Variants in TREM2 observed in about 807,000 individuals in gnomAD.
The protein encoded by TREM2 is triggering receptor expressed on myeloid cells 2.
A neutral mutation model predicts 22.9 loss-of-function variants in TREM2; 20 were observed. The ratio of observed to expected loss-of-function variants is 0.87; its 90% CI spans 0.61 to 1.27. The LOEUF is 1.27. Ranked by LOEUF, TREM2 falls within the 50% of genes most tolerant of loss-of-function variation. The pLI is 0.00. For synonymous variants in TREM2, 111 were observed against 120.9 expected (o/e 0.92, Z 0.54); for missense variants, 267 against 289.0 (o/e 0.92, Z 0.55).
chr6:41,161,416 C>G lies in TREM2; in HGVS notation c.238G>C (p.Gly80Arg). The change falls in exon 2 of 5, where the codon GGG becomes CGG. Residue 80 changes from glycine (G) to arginine (R), a missense_variant. By Grantham distance (125) the Gly-to-Arg change is moderately radical. Coordinates refer to ENST00000373113, the MANE Select transcript of TREM2 (RefSeq NM_018965.4). ...GTATCGTCTGTGATGGCTGTGCTCC[C>G]ATTCCACCTCCTCAGGAAGGACAGC... ...WLLSFLRRWN[G>R]STAITDDTLG... The G allele has an allele frequency of 6.2e-7, 1 of 1,614,254 alleles. No homozygotes were observed. The highest frequency in any genetic ancestry group is 8.5e-7 in the Non-Finnish European group (1 of 1,180,050).
rs534417680 is a variant in TREM2, at chr6:41,161,595, T to G, written c.59A>C (p.Asn20Thr). 2.9e-5 allele frequency: 47 copies of G among 1,613,832 alleles called. 2 individuals carry two copies. In the South Asian group the frequency reaches 4.7e-4, roughly 16 times the overall value. ...LFVTELSGAH[N>T]TTVFQGVAGQ... is the part of the protein sequence containing the mutation. ...CGCCACGCCCTGGAACACTGTGGTG[T>G]TGTGGGCTCCGGACAGCTCTGGGGA... The change falls in exon 2 of 5, where the codon AAC (asparagine) becomes ACC (threonine). Residue 20 changes from asparagine to threonine, a missense_variant. Transcript: ENST00000373113.
Position 41,158,655 on chromosome 6 carries a change from G to A in TREM2, c.*109C>T. 6.2e-7 allele frequency: 1 copy of A among 1,607,254 alleles called. No individual in the cohort carries two copies. The highest frequency in any genetic ancestry group is 8.5e-7 in the Non-Finnish European group (1 of 1,176,540). On this transcript the variant is annotated 3_prime_UTR_variant, in exon 5 of 5. Coordinates refer to ENST00000373113, the MANE Select transcript of TREM2 (RefSeq NM_018965.4). ...GGAGAAGCAGTGTTCAGGCAGAGTA[G>A]TCTCTTGCCAGAGCAGAACAAGGAG...
chr6:41,159,635 G>A (rs1765506977), intron 3 of TREM2, among the ~76,000 whole-genome samples, 157 bp downstream of exon 3: 1 of 152,166 alleles, frequency 6.6e-6, no homozygotes, highest in Non-Finnish European at 1.5e-5. Flanking sequence ...CTAACATGTA[G>A]CAGCTGGTGG....
Position 41,161,541 on chromosome 6 carries a change from T to C in TREM2, c.113A>G (p.Tyr38Cys), listed in dbSNP as rs797044603. ...CCTCCCCCAGTGCTTCATGGAGTCA[T>C]AGGGGCAAGACACCTGCAGGGACTG... ...AGQSLQVSCPYDSMKHWGRRK... is the reference protein window; with the variant it reads ...AGQSLQVSCPCDSMKHWGRRK... Residue 38 changes from tyrosine to cysteine, a missense_variant, in exon 2 of 5, where the codon TAT becomes TGT. Coordinates refer to ENST00000373113, the MANE Select transcript of TREM2 (RefSeq NM_018965.4). 3.1e-6 allele frequency: 5 copies of C among 1,614,138 alleles called. No homozygotes were observed. Among genetic ancestry groups the C allele is most frequent in the South Asian group, 1.1e-5 (1 of 91,080 alleles).
At chr6:41,161,773 G>A (rs1765574327) in intron 1 of TREM2, among the ~76,000 whole-genome samples, 160 bp from the exon 2 acceptor site, 1 of 152,234 alleles carries the variant, frequency 6.6e-6, no homozygotes, top group South Asian at 2.1e-4. Context: ...GGGAAATTGG[G>A]AACCAGGAAA....
In TREM2 at chr6:41,162,404, A is replaced by C. The variant is rs375839496; in HGVS notation, c.40+639T>G. Reference sequence around the variant, plus strand: ...GACCACCATCTAAGAAGCTGCAGGAACAAGACTCCATTTGGCACCGTCTCT... The same window carrying C: ...GACCACCATCTAAGAAGCTGCAGGACCAAGACTCCATTTGGCACCGTCTCT... On this transcript the variant is annotated intron_variant, in intron 1 of 4. Coordinates refer to ENST00000373113, the MANE Select transcript of TREM2 (RefSeq NM_018965.4). Among the ~76,000 whole-genome samples the C allele has an allele frequency of 3.7e-4, 57 of 152,314 alleles. No homozygotes were observed. The East Asian group carries it at 5.6e-3, about 15-fold the overall frequency.
chr6:41,159,961 G>T, intron 2 of TREM2, 79 bp from the exon 3 acceptor site: 18 of 1,226,292 alleles, frequency 1.5e-5, no homozygotes, highest in Non-Finnish European at 2.1e-5. Flanking sequence ...GAACCTTTAT[G>T]GGTGGGGTGA....
Position 41,159,716 on chromosome 6 carries a change from GCC to G in TREM2, c.482+74_482+75del, listed in dbSNP as rs577715166. Reference sequence around the variant, plus strand: ...TGCCTTGTAATTTGTAGTTCAGGATGCCCAGCCCCCACCCCCGTGGGGCTCTG... The same window carrying G: ...TGCCTTGTAATTTGTAGTTCAGGATGCAGCCCCCACCCCCGTGGGGCTCTG... On this transcript the variant is annotated intron_variant, in intron 3 of 4. Transcript: ENST00000373113. 410 of 1,360,572 alleles carry G rather than the reference GCC, an allele frequency of 3.0e-4. No homozygotes were observed. In the African/African-American group the frequency reaches 5.5e-3, roughly 18 times the overall value. 84.3% of individuals were successfully genotyped at this position (1,360,572 alleles called of 1,614,324 possible).
rs750002795 is a variant in TREM2 at position 41,161,317 on chromosome 6, G to C, written c.337C>G (p.Leu113Val). 1 of 1,614,230 alleles carries C rather than the reference G, an allele frequency of 6.2e-7. No individual in the cohort carries two copies. The highest frequency in any genetic ancestry group is 2.2e-5 in the East Asian group (1 of 44,884). ...HDAGLYQCQS[L>V]HGSEADTLRK... is the part of the protein sequence containing the mutation. ...AGGGTGTCAGCCTCACTGCCATGGA[G>C]GCTCTGGCACTGGTAGAGACCCGCA... The change falls in exon 2 of 5, where the codon CTC (leucine) becomes GTC (valine). Residue 113 changes from leucine (L) to valine (V), a missense_variant. Physicochemically the swap from Leu to Val is conservative, Grantham distance 32. Coordinates refer to ENST00000373113, the MANE Select transcript of TREM2 (RefSeq NM_018965.4).
intron 3 of TREM2, among the ~76,000 whole-genome samples, chr6:41,159,512 C>A (rs1405579382): frequency 1.3e-5 from 2 of 152,174 alleles, no homozygotes; most frequent in East Asian, 3.8e-4. Flanking sequence ...TGTCTGGGGG[C>A]TGCCAGGGGA....
chr6:41,162,265 GAT>G (rs1287624432), intron 1 of TREM2, among the ~76,000 whole-genome samples: 1 of 152,206 alleles, frequency 6.6e-6, no homozygotes, highest in Non-Finnish European at 1.5e-5. Flanking sequence ...AGGCTTGAAA[GAT>G]AGGATTGGGA....
chr6:41,159,184 C>T (rs1765495847), intron 3 of TREM2, 118 bp from the exon 4 acceptor site: 1 of 1,308,440 alleles, frequency 7.6e-7, no homozygotes, highest in Non-Finnish European at 1.1e-6. Flanking sequence ...CACCCAGCAC[C>T]ATCCCTGGGA....
At chr6:41,160,110 G>T (rs532907021) in intron 2 of TREM2, among the ~76,000 whole-genome samples, 2 of 152,154 alleles carry the variant, frequency 1.3e-5, no homozygotes, top group Non-Finnish European at 2.9e-5. Context: ...CCTCTGTGCC[G>T]TATCCAGCAC....
At chr6:41,162,820 C>G (rs1156808871) in intron 1 of TREM2, among the ~76,000 whole-genome samples, 3 of 152,138 alleles carry the variant, frequency 2.0e-5, no homozygotes, top group African/African-American at 4.8e-5. Flanking sequence ...CCTTACATGT[C>G]CACATGCAGA....
In TREM2 at chr6:41,162,194, C is replaced by G. The variant is rs565502230; in HGVS notation, c.41-581G>C. The stretch of plus-strand genomic sequence containing the variant: ...GTTGCTGGGGCAGCCCCCAGAGCCC[C>G]CTGCTTTGACTTCTCTCTTGGTCCT... On this transcript the variant is annotated intron_variant, in intron 1 of 4. Transcript: ENST00000373113. Among the ~76,000 whole-genome samples the G allele has an allele frequency of 3.1e-3, 467 of 152,334 alleles. 2 individuals are homozygous for G. Among genetic ancestry groups the G allele is most frequent in the Non-Finnish European group, 5.2e-3 (356 of 68,034 alleles).
Position 41,158,974 on chromosome 6 carries a change from G to A in TREM2, c.575C>T (p.Ala192Val). ...TCCATGCCAGGCTGCAGCCCAGAGGGCGCTGGCTGCTAGAATCTTGATGAG... is the reference window on the plus strand; with the variant it reads ...TCCATGCCAGGCTGCAGCCCAGAGGACGCTGGCTGCTAGAATCTTGATGAG... ...IFLIKILAAS[A>V]LWAAAWHGQK... is the part of the protein sequence containing the mutation. The change falls in exon 4 of 5, where the codon GCC becomes GTC. Residue 192 changes from alanine (A) to valine (V), a missense_variant. By Grantham distance (64) the Ala-to-Val change is moderately conservative. Coordinates refer to ENST00000373113, the MANE Select transcript of TREM2 (RefSeq NM_018965.4). The A allele has an allele frequency of 6.2e-7, 1 of 1,614,232 alleles. No individual in the cohort carries two copies. Among genetic ancestry groups the A allele is most frequent in the South Asian group, 1.1e-5 (1 of 91,086 alleles).
chr6:41,160,308 T>A (rs887401977), intron 2 of TREM2, among the ~76,000 whole-genome samples: 7 of 152,100 alleles, frequency 4.6e-5, no homozygotes, highest in Non-Finnish European at 7.4e-5. Context: ...CCACCGGCCA[T>A]CCTTAGGAAA....
intron 2 of TREM2, among the ~76,000 whole-genome samples, chr6:41,160,753 GC>G (rs1347003707): frequency 2.6e-5 from 4 of 152,316 alleles, no homozygotes; most frequent in South Asian, 2.1e-4. Flanking sequence ...GAGAATGGAG[GC>G]CCAGAGAAGT....
chr6:41,161,592 GTGT>G lies in TREM2; in HGVS notation c.59_61del (p.Asn20del). 1 of 1,614,012 alleles carries G rather than the reference GTGT, an allele frequency of 6.2e-7. No individual in the cohort carries two copies. Among genetic ancestry groups the G allele is most frequent in the Non-Finnish European group, 8.5e-7 (1 of 1,179,978 alleles). ...GCCCGCCACGCCCTGGAACACTGTGGTGTTGTGGGCTCCGGACAGCTCTGGGGA... is the reference window on the plus strand; with the variant it reads ...GCCCGCCACGCCCTGGAACACTGTGGTGTGGGCTCCGGACAGCTCTGGGGA... On this transcript the variant is annotated inframe_deletion, in exon 2 of 5. Transcript: ENST00000373113.
Sources: gnomAD v4.1 joint callset for allele counts (sites outside exome capture counted in the v4.1 genomes callset) on GRCh38, gnomAD v4.1.1 for gene constraint, MANE v1.5 for transcripts, NCBI Gene and HGNC (gene_info 2026-07-23, HGNC 2026-07-21) for gene names.